The following ACAT2 variants were observed in gnomAD, a reference collection of about 807,000 sequenced individuals.
ACAT2 encodes the protein acetyl-CoA acetyltransferase 2, also known as acetyl-CoA acetyltransferase, cytosolic.
ACAT2 carries 26 observed loss-of-function variants against 37.1 expected under a neutral mutation model. The observed-to-expected ratio is 0.70, with a 90% CI of 0.51 to 0.97. The LOEUF (loss-of-function observed/expected upper bound fraction) is 0.97, where lower values mean the gene tolerates loss of function less well. Ranked by LOEUF, ACAT2 falls within the 50% of genes least tolerant of loss-of-function variation. ACAT2 has a pLI of 0.00. For missense variants in ACAT2, 468 were observed against 489.0 expected (o/e 0.96, Z 0.40); for synonymous variants, 156 against 163.6 (o/e 0.95, Z 0.35).
intron 6 of ACAT2, 135 bp from the exon 7 acceptor site, chr6:159,777,167 G>A: frequency 3.0e-6 from 3 of 1,001,484 alleles, no homozygotes; most frequent in Non-Finnish European, 4.4e-6. Flanking sequence ...TCTATGTAAA[G>A]TCTGTTGAAT....
At chr6:159,764,704 C>G (rs1301144033) in intron 2 of ACAT2, among the ~76,000 whole-genome samples, 1 of 152,160 alleles carries the variant, frequency 6.6e-6, no homozygotes, top group Admixed American at 6.5e-5. Context: ...GCACCATGCC[C>G]TTGAACTTCT....
Position 159,762,929 on chromosome 6 carries a change from T to C in ACAT2, c.66T>C (p.Asn22=), listed in dbSNP as rs1292195539. The change falls in exon 2 of 9, where the codon AAT becomes AAC. Residue 22 remains asparagine, a synonymous_variant. Transcript: ENST00000367048. ...GCCTTTCTATTGTAGGTTCCTTCAATGGTGCCTTAGCTGCTGTTCCTGTCC... is the reference window on the plus strand; with the variant it reads ...GCCTTTCTATTGTAGGTTCCTTCAACGGTGCCTTAGCTGCTGTTCCTGTCC... ...SAARTIIGSF[N]GALAAVPVQD... is the part of the protein sequence containing the mutation. 6.2e-7 allele frequency: 1 copy of C among 1,612,438 alleles called. No individual in the cohort carries two copies. The highest frequency in any genetic ancestry group is 1.3e-5 in the African/African-American group (1 of 74,834).
intron 8 of ACAT2, 144 bp downstream of exon 8, chr6:159,778,424 T>TA (rs1162214335): frequency 4.7e-3 from 425 of 91,026 alleles, no homozygotes; most frequent in East Asian, 0.015. Context: ...TCCCAAGGTT[T>TA]AAAAAAAAAA....
chr6:159,775,924 A>G (rs1279892588), intron 5 of ACAT2: 2 of 429,314 alleles, frequency 4.7e-6, no homozygotes, highest in Admixed American at 4.2e-5. Flanking sequence ...AGGAAGGCCT[A>G]TGGATTTGGA....
chr6:159,767,286 A>G (rs1163857043), intron 3 of ACAT2, 100 bp downstream of exon 3: 1 of 1,249,918 alleles, frequency 8.0e-7, no homozygotes, highest in East Asian at 2.4e-5. Context: ...AGCTGGAACC[A>G]AACAGTGAAC....
At chr6:159,762,613 C>T (rs916510605) in intron 1 of ACAT2, 8 of 1,404,904 alleles carry the variant, frequency 5.7e-6, no homozygotes, top group African/African-American at 4.3e-5. Context: ...GCCCTTGACC[C>T]GCCGGTTCCT....
At position 159,778,247 on chromosome 6, in the gene ACAT2, AAT is replaced by A; in HGVS notation, c.992_993del (p.Ile331SerfsTer2). On this transcript the variant is annotated frameshift_variant, in exon 8 of 9. Coordinates refer to ENST00000367048, the MANE Select transcript of ACAT2 (RefSeq NM_005891.3). LOFTEE classifies it high-confidence loss of function. The stretch of plus-strand genomic sequence containing the variant: ...AAGCCTTTGCAGCTGTCTCTGCTGC[AAT>A]AGTTAAAGAACTTGGATTAAACCCA... ...NEAFAAVSAA[I>X]VKELGLNPEK... The A allele has an allele frequency of 1.2e-6, 2 of 1,611,860 alleles. No homozygotes were observed.
intron 2 of ACAT2, among the ~76,000 whole-genome samples, 169 bp from the exon 3 acceptor site, chr6:159,766,836 T>TG (rs1491080617): frequency 6.8e-6 from 1 of 147,526 alleles, no homozygotes; most frequent in Non-Finnish European, 1.5e-5. Context: ...GGCTAGACTG[T>TG]GACAGGTGGA....
chr6:159,762,280 C>G (rs1056958847), intron 1 of ACAT2, 138 bp downstream of exon 1: 94 of 1,286,428 alleles, frequency 7.3e-5, no homozygotes, highest in Non-Finnish European at 9.5e-5. Context: ...CGCGGGATCC[C>G]TGGAACCCTG....
In ACAT2 at chr6:159,763,003, T is replaced by G; in HGVS notation, c.140T>G (p.Val47Gly). The change falls in exon 2 of 9, where the codon GTG becomes GGG. Residue 47 changes from valine (V) to glycine (G), a missense_variant. Transcript: ENST00000367048. ...AAAGAAGTCTTGAAGAGGGCCACTG[T>G]GGCTCCGGAAGATGTGTCTGAGGTC... ...VIKEVLKRAT[V>G]APEDVSEVIF... is the part of the protein sequence containing the mutation. 6.2e-7 allele frequency: 1 copy of G among 1,614,182 alleles called. No homozygotes were observed. Among genetic ancestry groups the G allele is most frequent in the Non-Finnish European group, 8.5e-7 (1 of 1,180,028 alleles).
At chr6:159,773,617 G>C in intron 4 of ACAT2, among the ~76,000 whole-genome samples, 1 of 152,064 alleles carries the variant, frequency 6.6e-6, no homozygotes, top group African/African-American at 2.4e-5. Context: ...CAATTTCAGC[G>C]TGCAAATAAG....
intron 1 of ACAT2, chr6:159,762,683 A>G: frequency 6.7e-7 from 1 of 1,494,652 alleles, no homozygotes. Flanking sequence ...TAGAAGGGCT[A>G]CAGCGGCGTC....
intron 4 of ACAT2, among the ~76,000 whole-genome samples, chr6:159,773,117 G>A (rs978997651): frequency 2.0e-5 from 3 of 152,124 alleles, no homozygotes; most frequent in African/African-American, 4.8e-5. Context: ...GCCTCCCAAA[G>A]TGCTGGGATT....
chr6:159,762,671 A>G, intron 1 of ACAT2: 1 of 1,475,968 alleles, frequency 6.8e-7, no homozygotes. Flanking sequence ...GATTTGGGGA[A>G]ATAGAAGGGC....
chr6:159,776,809 G>A (rs953616844), intron 6 of ACAT2, among the ~76,000 whole-genome samples: 4 of 151,660 alleles, frequency 2.6e-5, no homozygotes, highest in Non-Finnish European at 4.4e-5. Flanking sequence ...TTCTTTTTGA[G>A]ACGGAGCCTC....
chr6:159,778,087 ATATATT>A, intron 7 of ACAT2, 77 bp from the exon 8 acceptor site: 2 of 872,740 alleles, frequency 2.3e-6, no homozygotes, highest in Non-Finnish European at 3.6e-6. Context: ...ATCATGCAGC[ATATATT>A]TATGTTGACA....
At chr6:159,762,370 G>T in intron 1 of ACAT2, 1 of 1,342,994 alleles carries the variant, frequency 7.4e-7, no homozygotes. Context: ...CTCGTGCTTG[G>T]ATTGGCTCCC....
At chr6:159,769,400 G>A (rs548696077) in intron 4 of ACAT2, among the ~76,000 whole-genome samples, 1 of 152,228 alleles carries the variant, frequency 6.6e-6, no homozygotes, top group South Asian at 2.1e-4. Flanking sequence ...CATAACTAGA[G>A]GTGGTCATTA....
Position 159,775,863 on chromosome 6 carries a change from C to A in ACAT2, c.635-287C>A, listed in dbSNP as rs1780404562. ...TCGTAACCAGCCAAGTACTATGACC[C>A]AAACTATAGCAGAATTTGGCACAAA... On this transcript the variant is annotated intron_variant, in intron 5 of 8. Transcript: ENST00000367048. 4.2e-5 allele frequency: 14 copies of A among 331,324 alleles called. 1 individual carries two copies. In the South Asian group the frequency reaches 4.7e-4, roughly 11 times the overall value. The allele number at this position is 331,324 out of a possible 1,614,324, so 20.5% of individuals were successfully genotyped here. A position where few individuals can be genotyped will look rare whatever the true frequency, so the allele number is the denominator to read the frequency against.
Sources: gnomAD v4.1 joint callset for allele counts (sites outside exome capture counted in the v4.1 genomes callset) on GRCh38, gnomAD v4.1.1 for gene constraint, MANE v1.5 for transcripts, NCBI Gene and HGNC (gene_info 2026-07-23, HGNC 2026-07-21) for gene names.